The following ARNT2 variants were observed in gnomAD, a reference collection of about 807,000 sequenced individuals.
ARNT2 encodes ARNT protein 2.
Under a neutral mutation model 91.7 loss-of-function variants are expected in ARNT2, and 36 were observed. The ratio of observed to expected loss-of-function variants is 0.39; its 90% CI spans 0.30 to 0.52. The LOEUF (loss-of-function observed/expected upper bound fraction) is 0.52. ARNT2 is among the 20% of genes least tolerant of loss of function. The pLI is 0.72. For missense variants in ARNT2, 775 were observed against 939.3 expected (o/e 0.83, Z 2.29); for synonymous variants, 365 against 347.1 (o/e 1.05, Z -0.57).
chr15:80,462,933 TC>T (rs1344147866), intron 3 of ARNT2, among the ~76,000 whole-genome samples: 1 of 152,180 alleles, frequency 6.6e-6, no homozygotes, highest in African/African-American at 2.4e-5. Flanking sequence ...GTAGGCATTT[TC>T]CCCCCTGGCT....
intron 17 of ARNT2, among the ~76,000 whole-genome samples, chr15:80,583,311 G>T (rs1236170221): frequency 2.6e-5 from 4 of 152,232 alleles, no homozygotes; most frequent in Non-Finnish European, 5.9e-5. Context: ...GCCGTGACGA[G>T]ACAGGTGGGC....
At chr15:80,412,751 A>C (rs1007924308) in intron 1 of ARNT2, among the ~76,000 whole-genome samples, 1 of 152,246 alleles carries the variant, frequency 6.6e-6, no homozygotes, top group Non-Finnish European at 1.5e-5. Context: ...ATATGAATGA[A>C]TATATGAATA....
chr15:80,597,259 G>A lies in ARNT2; in HGVS notation c.*3561G>A. ...GGCAGCCCATAAGCTATGCGAGAAT[G>A]TGAACGCTCACCTTGCTCCGTCACG... On this transcript the variant is annotated 3_prime_UTR_variant, in exon 19 of 19. Transcript: ENST00000303329. 1.9e-6 allele frequency: 1 copy of A among 518,486 alleles called. No individual in the cohort carries two copies. The highest frequency in any genetic ancestry group is 3.2e-4 in the Middle Eastern group (1 of 3,144). 32.1% of individuals were successfully genotyped at this position (518,486 alleles called of 1,614,324 possible). A position where few individuals can be genotyped will look rare whatever the true frequency, so the allele number is the denominator to read the frequency against.
chr15:80,498,236 G>C (rs1263257416), intron 5 of ARNT2, among the ~76,000 whole-genome samples: 1 of 152,130 alleles, frequency 6.6e-6, no homozygotes, highest in African/African-American at 2.4e-5. Context: ...TTTTCTGAGG[G>C]GCTGTTGGAT....
intron 8 of ARNT2, among the ~76,000 whole-genome samples, chr15:80,545,217 G>T (rs1897972156): frequency 6.6e-6 from 1 of 152,186 alleles, no homozygotes; most frequent in African/African-American, 2.4e-5. Flanking sequence ...TTATTTCTGT[G>T]CTTTCAGAGC....
Position 80,580,529 on chromosome 15 carries a change from C to T in ARNT2, c.1732C>T (p.Arg578Cys), listed in dbSNP as rs144530385. 1.5e-5 allele frequency: 25 copies of T among 1,613,940 alleles called. No homozygotes were observed. Among genetic ancestry groups the T allele is most frequent in the Admixed American group, 8.3e-5 (5 of 60,008 alleles). ...NQSQVAWTGS[R>C]PPFPGQQIPS... ...GAGTCAGGTGGCATGGACAGGGAGT[C>T]GTCCGCCCTTTCCGGGACAGGTATG... The change falls in exon 16 of 19, where the codon CGT becomes TGT. Residue 578 changes from arginine to cysteine, a missense_variant. Around this residue, in one of 5 missense-constraint regions of ARNT2, gnomAD observed 325 missense variants for 359.9 expected, o/e 0.90. Coordinates refer to ENST00000303329, the MANE Select transcript of ARNT2 (RefSeq NM_014862.4).
At chr15:80,583,470 C>T (rs1183634148) in intron 17 of ARNT2, among the ~76,000 whole-genome samples, 2 of 152,226 alleles carry the variant, frequency 1.3e-5, no homozygotes, top group Non-Finnish European at 2.9e-5. Context: ...ACCACTGTGG[C>T]CAAGAACAGG....
chr15:80,409,854 CAGGCACA>C lies in ARNT2; in HGVS notation c.31+5312_31+5318del, dbSNP rs1412269398. On this transcript the variant is annotated intron_variant, in intron 1 of 18. Coordinates refer to ENST00000303329, the MANE Select transcript of ARNT2 (RefSeq NM_014862.4). Reference sequence around the variant, plus strand: ...ATGAGAAATGTGAGGAAGAGCATTCCAGGCACAAGGAAGAGCCCCTTCAAAGGCCCTG... The same window carrying C: ...ATGAGAAATGTGAGGAAGAGCATTCCAGGAAGAGCCCCTTCAAAGGCCCTG... 8.5e-5 allele frequency among the ~76,000 whole-genome samples: 13 copies of C among 152,232 alleles called. No individual in the cohort carries two copies. In the South Asian group the frequency reaches 2.7e-3, roughly 32 times the overall value.
intron 1 of ARNT2, among the ~76,000 whole-genome samples, chr15:80,411,317 C>A (rs1444036452): frequency 6.6e-6 from 1 of 152,212 alleles, no homozygotes; most frequent in African/African-American, 2.4e-5. Flanking sequence ...GCAGCCCTGG[C>A]ACCTACCATA....
chr15:80,580,377 GTCCTCGGGATAAATGCATTT>G lies in ARNT2; in HGVS notation c.1614-28_1614-9del. 2 of 1,613,174 alleles carry G rather than the reference GTCCTCGGGATAAATGCATTT, an allele frequency of 1.2e-6. No homozygotes were observed. Among genetic ancestry groups the G allele is most frequent in the Non-Finnish European group, 1.7e-6 (2 of 1,179,568 alleles). On this transcript the variant is annotated splice_polypyrimidine_tract_variant and intron_variant, in intron 15 of 18. Coordinates refer to ENST00000303329, the MANE Select transcript of ARNT2 (RefSeq NM_014862.4). ...ACGTAGACTCATGCAAACCAGGTGT[GTCCTCGGGATAAATGCATTT>G]TCCTCTTTTCTAGCTCTTCAGTGGT...
At chr15:80,423,700 G>A (rs1219984902) in intron 1 of ARNT2, among the ~76,000 whole-genome samples, 1 of 151,920 alleles carries the variant, frequency 6.6e-6, no homozygotes, top group African/African-American at 2.4e-5. Context: ...CTGCAAATAT[G>A]CTAGAATTTG....
intron 5 of ARNT2, among the ~76,000 whole-genome samples, chr15:80,493,352 G>C (rs1370719307): frequency 6.6e-6 from 1 of 151,938 alleles, no homozygotes; most frequent in Non-Finnish European, 1.5e-5. Context: ...AGCAAGTGGC[G>C]GGGGGTGGGG....
In ARNT2 at chr15:80,593,758, A is replaced by T. The variant is rs77340146; in HGVS notation, c.*60A>T. On this transcript the variant is annotated 3_prime_UTR_variant, in exon 19 of 19. Transcript: ENST00000303329. ...CACCCATACTGTGATGTCGATGCCC[A>T]TGTGAATGAGGCCCACCCTCGCCCT... is the stretch of plus-strand genomic sequence containing the variant. 1.8e-5 allele frequency: 27 copies of T among 1,476,620 alleles called. No individual in the cohort carries two copies. The East Asian group carries it at 6.1e-4, about 33-fold the overall frequency. The allele number at this position is 1,476,620 out of a possible 1,614,324, so 91.5% of individuals were successfully genotyped here.
chr15:80,550,266 A>G (rs926227491), intron 8 of ARNT2, among the ~76,000 whole-genome samples: 1 of 152,228 alleles, frequency 6.6e-6, no homozygotes, highest in Admixed American at 6.5e-5. Flanking sequence ...GACAGAATGT[A>G]GTGTAGTGAG....
chr15:80,570,004 TTC>T (rs1898557348), intron 12 of ARNT2, among the ~76,000 whole-genome samples: 1 of 152,254 alleles, frequency 6.6e-6, no homozygotes, highest in Non-Finnish European at 1.5e-5. Context: ...GAACAGATTT[TTC>T]TCTTTCCTGT....
At chr15:80,517,605 G>T (rs184182704) in intron 8 of ARNT2, among the ~76,000 whole-genome samples, 20 of 145,590 alleles carry the variant, frequency 1.4e-4, no homozygotes. Context: ...TTTTGAAATT[G>T]TACCACAATT....
chr15:80,482,206 G>A (rs1896901328), intron 5 of ARNT2, among the ~76,000 whole-genome samples: 1 of 152,178 alleles, frequency 6.6e-6, no homozygotes, highest in Non-Finnish European at 1.5e-5. Context: ...CACCGCAGTG[G>A]GCCATCTTGC....
intron 8 of ARNT2, among the ~76,000 whole-genome samples, chr15:80,515,076 G>A (rs971130861): frequency 6.6e-6 from 1 of 152,242 alleles, no homozygotes; most frequent in South Asian, 2.1e-4. Flanking sequence ...GAGATACATC[G>A]TATTCTCACT....
chr15:80,410,267 C>T (rs527519057), intron 1 of ARNT2, among the ~76,000 whole-genome samples: 2 of 152,280 alleles, frequency 1.3e-5, no homozygotes, highest in South Asian at 4.1e-4. Flanking sequence ...CCTGTCCATC[C>T]CTTGGGCACG....
Sources: allele counts gnomAD v4.1 joint callset (sites outside exome capture counted in the v4.1 genomes callset), GRCh38; gene constraint gnomAD v4.1.1; regional missense constraint gnomAD v4.1.1; transcripts MANE v1.5; gene names NCBI Gene and HGNC (gene_info 2026-07-23, HGNC 2026-07-21).